The following SNX4 variants were observed in gnomAD, a reference collection of about 807,000 sequenced individuals.
The protein encoded by SNX4 is sorting nexin-4.
SNX4 carries 49 observed loss-of-function variants against 70.8 expected under a neutral mutation model. That is an observed-to-expected ratio of 0.69 (90% confidence interval 0.55 to 0.88). The LOEUF is 0.88. Among genes scored for constraint, SNX4 ranks in the 40% least tolerant of loss-of-function variants. The probability of loss-of-function intolerance (pLI) is 0.00; values close to 1 mark genes in which losing one functional copy is unlikely to be tolerated. For missense variants in SNX4, 528 were observed against 544.8 expected (o/e 0.97, Z 0.31); for synonymous variants, 206 against 183.8 (o/e 1.12, Z -0.98).
chr3:125,457,294 T>C lies in SNX4; in HGVS notation c.1016A>G (p.Lys339Arg), dbSNP rs1933744469. The C allele has an allele frequency of 6.2e-7, 1 of 1,613,926 alleles. No individual in the cohort carries two copies. The highest frequency in any genetic ancestry group is 1.3e-5 in the African/African-American group (1 of 74,928). The change falls in exon 11 of 14, where the codon AAG (lysine) becomes AGG (arginine). Residue 339 changes from lysine (K) to arginine (R), a missense_variant. Transcript: ENST00000251775. ...EMAAQDLASK[K>R]QQCEELVTGT... ...AGTTACCAGTTCCTCACACTGCTGCTTCTTGGATGCTAAGTCCTGAGCAGC... is the reference window on the plus strand; with the variant it reads ...AGTTACCAGTTCCTCACACTGCTGCCTCTTGGATGCTAAGTCCTGAGCAGC...
At chr3:125,488,270 G>C (rs146206661) in intron 6 of SNX4, among the ~76,000 whole-genome samples, 1 of 150,984 alleles carries the variant, frequency 6.6e-6, no homozygotes, top group African/African-American at 2.4e-5. Flanking sequence ...GAAGTCAGGA[G>C]TTTGAGACCA....
chr3:125,504,083 C>A (rs1454912912), intron 2 of SNX4, among the ~76,000 whole-genome samples: 1 of 152,050 alleles, frequency 6.6e-6, no homozygotes, highest in African/African-American at 2.4e-5. Context: ...GTAATCCGAA[C>A]ACTTTGGGAG....
intron 11 of SNX4, 99 bp from the exon 12 acceptor site, chr3:125,454,054 G>T: frequency 1.1e-6 from 1 of 947,356 alleles, no homozygotes; most frequent in Non-Finnish European, 1.6e-6. Flanking sequence ...AATCAAATCT[G>T]ATATATGCTA....
chr3:125,513,478 T>C (rs62270178), intron 1 of SNX4, among the ~76,000 whole-genome samples: 71,523 of 151,722 alleles, frequency 0.47, 17,023 homozygotes, highest in African/African-American at 0.54. Flanking sequence ...TTTAAAGTTG[T>C]TTGGCATATG....
At chr3:125,487,232 C>G (rs909779373) in intron 6 of SNX4, among the ~76,000 whole-genome samples, 1 of 152,080 alleles carries the variant, frequency 6.6e-6, no homozygotes, top group Non-Finnish European at 1.5e-5. Flanking sequence ...GACCAATATA[C>G]ACAATTATCC....
chr3:125,506,310 C>A (rs1053576827), intron 1 of SNX4, among the ~76,000 whole-genome samples: 1 of 150,754 alleles, frequency 6.6e-6, no homozygotes, highest in Non-Finnish European at 1.5e-5. Flanking sequence ...GATGACAGAT[C>A]TACTAGAAAA....
intron 1 of SNX4, 73 bp downstream of exon 1, chr3:125,519,959 G>GCCCCCCCCCCCCC: frequency 1.0e-6 from 1 of 1,004,504 alleles, no homozygotes; most frequent in Non-Finnish European, 1.3e-6. Flanking sequence ...GCCCAGCCCA[G>GCCCCCCCCCCCCC]CCCAGCCCAG....
intron 5 of SNX4, 53 bp from the exon 6 acceptor site, chr3:125,489,516 TCAAAC>T: frequency 7.0e-7 from 1 of 1,428,796 alleles, no homozygotes; most frequent in Non-Finnish European, 9.8e-7. Context: ...GGTATAAAAT[TCAAAC>T]AATTTTACTT....
chr3:125,474,849 A>G (rs995773691), intron 8 of SNX4, among the ~76,000 whole-genome samples: 1 of 147,316 alleles, frequency 6.8e-6, no homozygotes, highest in East Asian at 2.0e-4. Context: ...ATTCCCCCCC[A>G]CATGTCTCCT....
intron 6 of SNX4, among the ~76,000 whole-genome samples, chr3:125,486,507 T>G (rs1934537461): frequency 6.6e-6 from 1 of 152,116 alleles, no homozygotes; most frequent in African/African-American, 2.4e-5. Context: ...GTGCCTATAG[T>G]CCCAGCTACT....
intron 10 of SNX4, among the ~76,000 whole-genome samples, chr3:125,457,639 G>A (rs1318168302): frequency 3.4e-5 from 5 of 146,252 alleles, no homozygotes; most frequent in South Asian, 2.2e-4. Context: ...GTGCAATGGC[G>A]CGATCTCGGC....
chr3:125,463,284 C>G (rs555427604), intron 9 of SNX4, among the ~76,000 whole-genome samples: 12 of 152,270 alleles, frequency 7.9e-5, no homozygotes, highest in South Asian at 2.1e-4. Flanking sequence ...TTGAGAATCA[C>G]TATTAAGAGT....
intron 2 of SNX4, among the ~76,000 whole-genome samples, chr3:125,500,014 C>T (rs1430507877): frequency 6.6e-6 from 1 of 151,740 alleles, no homozygotes; most frequent in Non-Finnish European, 1.5e-5. Flanking sequence ...GAGCTGAGAT[C>T]GCGCCAACGC....
At chr3:125,498,689 G>C (rs1167562592) in intron 2 of SNX4, among the ~76,000 whole-genome samples, 2 of 152,088 alleles carry the variant, frequency 1.3e-5, no homozygotes, top group African/African-American at 2.4e-5. Context: ...TGATCACAAA[G>C]GTCTGTGGAT....
At chr3:125,472,045 G>A (rs1187831102) in intron 8 of SNX4, among the ~76,000 whole-genome samples, 2 of 152,090 alleles carry the variant, frequency 1.3e-5, no homozygotes, top group African/African-American at 4.8e-5. Flanking sequence ...CCTAATTCCT[G>A]CTCATTTCTC....
intron 11 of SNX4, among the ~76,000 whole-genome samples, chr3:125,454,285 C>T (rs983464774): frequency 2.0e-5 from 3 of 152,190 alleles, no homozygotes; most frequent in East Asian, 1.9e-4. Context: ...AGGAGGCAAG[C>T]GACCACCTGA....
In SNX4 at chr3:125,515,267, G is replaced by A. The variant is rs377745006; in HGVS notation, c.141+4765C>T. Among the ~76,000 whole-genome samples the A allele has an allele frequency of 3.9e-5, 6 of 152,002 alleles. No individual in the cohort carries two copies. In the South Asian group the frequency reaches 6.2e-4, roughly 16 times the overall value. The stretch of plus-strand genomic sequence containing the variant: ...CTCAGGAGGCTTGGGCAGGAGAATC[G>A]CTTGAACCCGGGAGATGAAGGCTGA... On this transcript the variant is annotated intron_variant, in intron 1 of 13. Coordinates refer to ENST00000251775, the MANE Select transcript of SNX4 (RefSeq NM_003794.4).
At chr3:125,486,346 G>A (rs944976415) in intron 6 of SNX4, among the ~76,000 whole-genome samples, 3 of 151,776 alleles carry the variant, frequency 2.0e-5, no homozygotes, top group African/African-American at 4.9e-5. Flanking sequence ...ATCACTTTAC[G>A]TATAAGTTAA....
intron 1 of SNX4, among the ~76,000 whole-genome samples, chr3:125,511,791 G>A (rs1695834582): frequency 1.3e-5 from 2 of 152,032 alleles, no homozygotes; most frequent in African/African-American, 2.4e-5. Context: ...AGAGATAAAA[G>A]TAGAAACTCA....
Sources: allele counts gnomAD v4.1 joint callset (sites outside exome capture counted in the v4.1 genomes callset), GRCh38; gene constraint gnomAD v4.1.1; transcripts MANE v1.5; gene names NCBI Gene and HGNC (gene_info 2026-07-23, HGNC 2026-07-21).